APLF: variants seen among roughly 807,000 people sequenced by gnomAD.
APLF encodes the protein aprataxin and PNKP like factor, also known as aprataxin and PNK-like factor.
A neutral mutation model predicts 55.6 loss-of-function variants in APLF; 61 were observed. The ratio of observed to expected loss-of-function variants is 1.10; its 90% confidence interval spans 0.89 to 1.36. The LOEUF is 1.36. Ranked by LOEUF, APLF falls within the 40% of genes most tolerant of loss-of-function variation. The pLI is 0.00. For missense variants in APLF, 611 were observed against 602.5 expected (o/e 1.01, Z -0.15); for synonymous variants, 207 against 214.8 (o/e 0.96, Z 0.32).
chr2:68,517,335 A>T lies in APLF; in HGVS notation c.622+3655A>T, dbSNP rs1447535372. 4.0e-5 allele frequency among the ~76,000 whole-genome samples: 5 copies of T among 124,558 alleles called. No individual in the cohort carries two copies. The South Asian group carries it at 9.8e-4, about 24-fold the overall frequency. The allele number at this position is 124,558 out of a possible 152,430, so 81.7% of individuals were successfully genotyped here. A position where few individuals can be genotyped will look rare whatever the true frequency, so the allele number is the denominator to read the frequency against. The stretch of plus-strand genomic sequence containing the variant: ...ATATATTAATATATGTCATTACTAT[A>T]TAATATATTAATATATCATTACTAT... On this transcript the variant is annotated intron_variant, in intron 5 of 9. Coordinates refer to ENST00000303795, the MANE Select transcript of APLF (RefSeq NM_173545.3).
chr2:68,514,768 C>T (rs552455429), intron 5 of APLF, among the ~76,000 whole-genome samples: 27 of 151,854 alleles, frequency 1.8e-4, no homozygotes, highest in African/African-American at 6.5e-4. Flanking sequence ...AGAAGGCCTT[C>T]AGGAAAAAAG....
chr2:68,573,361 G>C (rs534940393), intron 9 of APLF, among the ~76,000 whole-genome samples: 15 of 152,198 alleles, frequency 9.9e-5, no homozygotes, highest in African/African-American at 3.4e-4. Context: ...ATCATTTAAT[G>C]TTTGATGTGT....
intron 1 of APLF, among the ~76,000 whole-genome samples, chr2:68,487,195 A>G (rs1356970861): frequency 1.3e-5 from 2 of 152,144 alleles, no homozygotes; most frequent in Non-Finnish European, 2.9e-5. Flanking sequence ...TTAGGATCTG[A>G]ATCTCCTCTG....
rs1671677370 is a variant in APLF, at chr2:68,578,401, A to G, written c.*379A>G. On this transcript the variant is annotated 3_prime_UTR_variant, in exon 10 of 10. Coordinates refer to ENST00000303795, the MANE Select transcript of APLF (RefSeq NM_173545.3). The stretch of plus-strand genomic sequence containing the variant: ...AGTACTCTGCAAGTATAACCAGGCA[A>G]AGTACATGAAAACATGCCTCTTTTC... 1 of 993,878 alleles carries G rather than the reference A, an allele frequency of 1.0e-6. No individual in the cohort carries two copies. Among genetic ancestry groups the G allele is most frequent in the South Asian group, 4.5e-5 (1 of 22,260 alleles). 61.6% of individuals were successfully genotyped at this position (993,878 alleles called of 1,614,324 possible). A position where few individuals can be genotyped will look rare whatever the true frequency, so the allele number is the denominator to read the frequency against.
At chr2:68,525,342 T>A (rs982488966) in intron 5 of APLF, among the ~76,000 whole-genome samples, 1 of 152,016 alleles carries the variant, frequency 6.6e-6, no homozygotes, top group African/African-American at 2.4e-5. Flanking sequence ...TCACTGTGGA[T>A]GTTAGGGTTT....
chr2:68,569,409 A>C (rs1178794533), intron 9 of APLF, among the ~76,000 whole-genome samples: 2 of 152,122 alleles, frequency 1.3e-5, no homozygotes, highest in African/African-American at 2.4e-5. Context: ...GGTATAGGAC[A>C]TCACAGGCAA....
intron 7 of APLF, among the ~76,000 whole-genome samples, chr2:68,543,127 AC>A (rs1670605071): frequency 6.6e-6 from 1 of 152,130 alleles, no homozygotes; most frequent in African/African-American, 2.4e-5. Context: ...AATGGCAGTT[AC>A]CAGTGCCTGT....
intron 8 of APLF, among the ~76,000 whole-genome samples, chr2:68,546,447 A>T (rs973834915): frequency 1.1e-4 from 17 of 151,988 alleles, no homozygotes; most frequent in African/African-American, 4.1e-4. Flanking sequence ...ACCAAAACCC[A>T]GCAAGAATAA....
At chr2:68,524,548 C>T (rs970126851) in intron 5 of APLF, among the ~76,000 whole-genome samples, 2 of 152,238 alleles carry the variant, frequency 1.3e-5, no homozygotes, top group African/African-American at 4.8e-5. Flanking sequence ...GTAGTAGTGA[C>T]AGACACTGTA....
chr2:68,518,208 A>C (rs2103964618), intron 5 of APLF, among the ~76,000 whole-genome samples: 1 of 121,476 alleles, frequency 8.2e-6, no homozygotes, highest in Admixed American at 9.6e-5. Flanking sequence ...ATATATAATA[A>C]TATATCGTTA....
chr2:68,524,773 C>A (rs1435013099), intron 5 of APLF, among the ~76,000 whole-genome samples: 1 of 152,170 alleles, frequency 6.6e-6, no homozygotes, highest in African/African-American at 2.4e-5. Flanking sequence ...GTTGAAGGTA[C>A]TGGAGACAAG....
chr2:68,481,934 CTGTT>C, intron 1 of APLF, among the ~76,000 whole-genome samples: 1 of 151,826 alleles, frequency 6.6e-6, no homozygotes, highest in South Asian at 2.1e-4. Flanking sequence ...TGTAAGATTT[CTGTT>C]TGGTTATTTT....
chr2:68,499,735 G>C (rs1676665148), intron 2 of APLF, among the ~76,000 whole-genome samples: 1 of 151,972 alleles, frequency 6.6e-6, no homozygotes, highest in African/African-American at 2.4e-5. Context: ...GCTACTCAGG[G>C]GGCTGTGGCA....
chr2:68,523,013 A>T (rs1325953906), intron 5 of APLF, among the ~76,000 whole-genome samples: 2 of 151,948 alleles, frequency 1.3e-5, no homozygotes, highest in Non-Finnish European at 2.9e-5. Context: ...AAGGAAAAAT[A>T]CTTCTATGCA....
chr2:68,526,227 T>C lies in APLF; in HGVS notation c.789T>C (p.Ser263=). The C allele has an allele frequency of 1.2e-6, 2 of 1,603,048 alleles. No homozygotes were observed. The highest frequency in any genetic ancestry group is 8.5e-7 in the Non-Finnish European group (1 of 1,176,766). ...GCAAAAATACTGATCAGGAAGAGTCTACCATTTCATCCAAGGTGATTTTAA... is the reference window on the plus strand; with the variant it reads ...GCAAAAATACTGATCAGGAAGAGTCCACCATTTCATCCAAGGTGATTTTAA... ...EECKNTDQEE[S]TISSKEMPQS... Residue 263 remains serine, a synonymous_variant, in exon 6 of 10, where the codon TCT becomes TCC. Transcript: ENST00000303795.
At chr2:68,551,591 A>ATTGTTG in intron 8 of APLF, among the ~76,000 whole-genome samples, 1 of 136,180 alleles carries the variant, frequency 7.3e-6, no homozygotes, top group African/African-American at 3.0e-5. Flanking sequence ...TGTTTATTTA[A>ATTGTTG]TTCTTCTTCT....
chr2:68,579,484 G>A lies in APLF; in HGVS notation c.*1462G>A, dbSNP rs548343820. 8 of 782,926 alleles carry A rather than the reference G, an allele frequency of 1.0e-5. No individual in the cohort carries two copies. Among genetic ancestry groups the A allele is most frequent in the African/African-American group, 9.4e-5 (5 of 53,120 alleles). 48.5% of individuals were successfully genotyped at this position (782,926 alleles called of 1,614,324 possible). On this transcript the variant is annotated 3_prime_UTR_variant, in exon 10 of 10. Coordinates refer to ENST00000303795, the MANE Select transcript of APLF (RefSeq NM_173545.3). ...TTGAAAACATTTCCACATAAAAACT[G>A]TACACAATGTCAATAGAAGCATTAT... is the stretch of plus-strand genomic sequence containing the variant.
chr2:68,512,408 A>G (rs573120361), intron 3 of APLF, among the ~76,000 whole-genome samples: 1 of 151,854 alleles, frequency 6.6e-6, no homozygotes, highest in East Asian at 1.9e-4. Flanking sequence ...GTAGTGTTTC[A>G]TCTATAGTTT....
In APLF at chr2:68,502,894, G is replaced by C. The variant is rs755654963; in HGVS notation, c.332G>C (p.Cys111Ser). Residue 111 changes from cysteine (C) to serine (S), a missense_variant, in exon 3 of 10, where the codon TGT becomes TCT. Physicochemically the swap from Cys to Ser is moderately radical, Grantham distance 112 (BLOSUM62 -1). Transcript: ENST00000303795. ...ATACCCTCTGAAGTGGAAATGCAAT[G>C]TACCTTAAGGTAAGTGCCTGATGAA... ...LSIPSEVEMQCTLRNSQVLDE... is the reference protein window; with the variant it reads ...LSIPSEVEMQSTLRNSQVLDE... 1.9e-6 allele frequency: 3 copies of C among 1,600,516 alleles called. No individual in the cohort carries two copies. Among genetic ancestry groups the C allele is most frequent in the Non-Finnish European group, 2.6e-6 (3 of 1,175,582 alleles).
Sources: allele counts gnomAD v4.1 joint callset (sites outside exome capture counted in the v4.1 genomes callset), GRCh38; gene constraint gnomAD v4.1.1; transcripts MANE v1.5; gene names NCBI Gene and HGNC (gene_info 2026-07-23, HGNC 2026-07-21).